The following RBM27 variants were observed in gnomAD, a reference collection of about 807,000 sequenced individuals.
RBM27 encodes RNA-binding protein 27.
In RBM27, 22 loss-of-function variants were observed where a neutral mutation model predicts 135.3. The observed-to-expected ratio is 0.16, with a 90% CI of 0.12 to 0.23. The LOEUF (loss-of-function observed/expected upper bound fraction) is 0.23, where lower values mean the gene tolerates loss of function less well. Among genes scored for constraint, RBM27 ranks in the 10% least tolerant of loss-of-function variants. The pLI, the probability that RBM27 is intolerant of heterozygous loss-of-function variation, is 1.00. For missense variants in RBM27, 1,009 were observed against 1,281.0 expected, an observed-to-expected ratio of 0.79 and a Z score of 3.24; for synonymous variants, 481 against 442.4, an observed-to-expected ratio of 1.09 and a Z score of -1.10.
At chr5:146,203,948 G>A in intron 1 of RBM27, 124 bp downstream of exon 1, 3 of 979,666 alleles carry the variant, frequency 3.1e-6, no homozygotes, top group Non-Finnish European at 4.4e-6. Flanking sequence ...TCCCGGCGAC[G>A]CCTTCCCTGT....
At chr5:146,204,551 A>G (rs979380825) in intron 1 of RBM27, among the ~76,000 whole-genome samples, 2 of 152,144 alleles carry the variant, frequency 1.3e-5, no homozygotes, top group African/African-American at 4.8e-5. Flanking sequence ...TGGAAAAAAG[A>G]GGTTTCTGTA....
At chr5:146,209,915 C>T (rs1401233306) in intron 1 of RBM27, among the ~76,000 whole-genome samples, 2 of 152,146 alleles carry the variant, frequency 1.3e-5, no homozygotes, top group African/African-American at 2.4e-5. Flanking sequence ...TTTGGTCTGC[C>T]TTTTAAAGAT....
At chr5:146,231,365 A>G (rs1756924208) in intron 6 of RBM27, among the ~76,000 whole-genome samples, 1 of 152,072 alleles carries the variant, frequency 6.6e-6, no homozygotes, top group Non-Finnish European at 1.5e-5. Context: ...TCGGCCTCCC[A>G]GTGTGCTGGG....
intron 9 of RBM27, 147 bp from the exon 10 acceptor site, chr5:146,254,796 C>G (rs1467537611): frequency 4.6e-6 from 3 of 657,598 alleles, no homozygotes; most frequent in Non-Finnish European, 7.3e-6. Context: ...TGGAACCAGT[C>G]CCTCACAGAT....
chr5:146,255,543 T>C (rs1389729437), intron 10 of RBM27, among the ~76,000 whole-genome samples: 1 of 152,204 alleles, frequency 6.6e-6, no homozygotes, highest in Non-Finnish European at 1.5e-5. Flanking sequence ...TTAACACTTA[T>C]AATTACATCT....
At position 146,261,783 on chromosome 5, in the gene RBM27, A is replaced by G. The variant is rs555068694; in HGVS notation, c.2167A>G (p.Thr723Ala). 43 of 1,614,162 alleles carry G rather than the reference A, an allele frequency of 2.7e-5. No individual in the cohort carries two copies. The African/African-American group carries it at 3.3e-4, about 13-fold the overall frequency. ...QVLVAQSAPS[T>A]VHGGIQKMMS... ...GCTAGTGGCCCAGTCTGCTCCTTCA[A>G]CAGTGCACGGAGGTATCCAGAAGGT... Residue 723 changes from threonine to alanine, a missense_variant, in exon 13 of 21, where the codon ACA (threonine) becomes GCA (alanine). By Grantham distance (58) the Thr-to-Ala change is moderately conservative. This residue lies in a region of RBM27 where 355 missense variants were observed against 427.3 expected (regional missense o/e 0.83). Coordinates refer to ENST00000265271, the MANE Select transcript of RBM27 (RefSeq NM_018989.2).
chr5:146,203,778 G>C lies in RBM27; in HGVS notation c.13G>C (p.Asp5His). The change falls in exon 1 of 21, where the codon GAT becomes CAT. Residue 5 changes from aspartate (D) to histidine (H), a missense_variant. Asp to His is a moderately conservative substitution (Grantham distance 81). This residue lies in a region of RBM27 where 268 missense variants were observed against 326.6 expected (regional missense o/e 0.82). Coordinates refer to ENST00000265271, the MANE Select transcript of RBM27 (RefSeq NM_018989.2). The stretch of plus-strand genomic sequence containing the variant: ...CCTTCCCTGCACCATGCTCATAGAG[G>C]ATGTGGATGCCCTCAAGTCCTGGCT... MLIEDVDALKSWLAK... is the reference protein window; with the variant it reads MLIEHVDALKSWLAK... 1 of 1,550,578 alleles carries C rather than the reference G, an allele frequency of 6.4e-7. No individual in the cohort carries two copies. The highest frequency in any genetic ancestry group is 8.7e-7 in the Non-Finnish European group (1 of 1,146,442).
At chr5:146,267,032 T>TA (rs1233981334) in intron 14 of RBM27, among the ~76,000 whole-genome samples, 4 of 152,196 alleles carry the variant, frequency 2.6e-5, no homozygotes, top group African/African-American at 4.8e-5. Context: ...GCACTTCACT[T>TA]ACGAAAAACA....
chr5:146,277,653 G>C (rs1257491174), intron 19 of RBM27, among the ~76,000 whole-genome samples: 2 of 150,586 alleles, frequency 1.3e-5, no homozygotes, highest in Non-Finnish European at 3.0e-5. Context: ...CACCCGAGCA[G>C]CTGGGACCAC....
At chr5:146,267,593 C>A in intron 14 of RBM27, 56 bp from the exon 15 acceptor site, 1 of 1,127,324 alleles carries the variant, frequency 8.9e-7, no homozygotes, top group Non-Finnish European at 1.3e-6. Context: ...GTATTCTAAG[C>A]ATTTCTAAGA....
intron 7 of RBM27, among the ~76,000 whole-genome samples, chr5:146,234,538 G>A (rs529602198): frequency 4.4e-4 from 67 of 151,026 alleles, no homozygotes; most frequent in African/African-American, 1.6e-3. Context: ...AAATCAATAT[G>A]CCATTATCAC....
At chr5:146,248,976 T>C (rs1757758817) in intron 8 of RBM27, among the ~76,000 whole-genome samples, 1 of 152,150 alleles carries the variant, frequency 6.6e-6, no homozygotes, top group Non-Finnish European at 1.5e-5. Flanking sequence ...GTATTTCTAT[T>C]TTTTAATTAA....
In RBM27 at chr5:146,260,798, C is replaced by A. The variant is rs772908419; in HGVS notation, c.1793C>A (p.Thr598Lys). 15 of 1,613,250 alleles carry A rather than the reference C, an allele frequency of 9.3e-6. No homozygotes were observed. The South Asian group carries it at 1.6e-4, about 18-fold the overall frequency. Residue 598 changes from threonine to lysine, a missense_variant, in exon 12 of 21, where the codon ACA (threonine) becomes AAA (lysine). Thr to Lys is a moderately conservative substitution (Grantham distance 78). Transcript: ENST00000265271. ...GGGTTCTTACGAAAGAATCAGTATA[C>A]AAACACCAAATTAGAAGTCAAGAAA... ...KPGFLRKNQY[T>K]NTKLEVKKIP...
At position 146,269,444 on chromosome 5, in the gene RBM27, A is replaced by G. The variant is rs1304831143; in HGVS notation, c.2551A>G (p.Asn851Asp). ...QKMLISKLEK[N>D]KNMKPEERAN... Reference sequence around the variant, plus strand: ...GATGTTAATATCCAAGTTAGAAAAAAACAAAAACATGAAACCAGAAGAAAG... The same window carrying G: ...GATGTTAATATCCAAGTTAGAAAAAGACAAAAACATGAAACCAGAAGAAAG... Residue 851 changes from asparagine (N) to aspartate (D), a missense_variant, in exon 17 of 21, where the codon AAC (asparagine) becomes GAC (aspartate). This residue lies in a region of RBM27 where 355 missense variants were observed against 427.3 expected (regional missense o/e 0.83). Transcript: ENST00000265271. The G allele has an allele frequency of 6.4e-7, 1 of 1,564,086 alleles. No homozygotes were observed.
chr5:146,206,853 G>C (rs531854847), intron 1 of RBM27, among the ~76,000 whole-genome samples: 14 of 152,238 alleles, frequency 9.2e-5, no homozygotes, highest in Non-Finnish European at 1.8e-4. Context: ...AAAGTGCTGG[G>C]ATTACAGGCA....
rs182576561 is a variant in RBM27, at chr5:146,274,023, C to T, written c.2988+2349C>T. Among the ~76,000 whole-genome samples, 27 of 152,280 alleles carry T rather than the reference C, an allele frequency of 1.8e-4. 1 individual carries two copies. The highest frequency in any genetic ancestry group is 6.5e-4 in the African/African-American group (27 of 41,560). On this transcript the variant is annotated intron_variant, in intron 19 of 20. Coordinates refer to ENST00000265271, the MANE Select transcript of RBM27 (RefSeq NM_018989.2). Reference sequence around the variant, plus strand: ...TTTTGAGACGGAGTTTTGCTCTCGTCGCCCAGGCTGGAGTGCAATGGCACG... The same window carrying T: ...TTTTGAGACGGAGTTTTGCTCTCGTTGCCCAGGCTGGAGTGCAATGGCACG...
At chr5:146,237,718 C>T (rs1443093987) in intron 8 of RBM27, among the ~76,000 whole-genome samples, 9 of 152,064 alleles carry the variant, frequency 5.9e-5, no homozygotes, top group African/African-American at 1.4e-4. Context: ...GACAGAGTCT[C>T]GCTCTGTCAC....
intron 15 of RBM27, among the ~76,000 whole-genome samples, chr5:146,268,493 C>T (rs747912594): frequency 4.6e-5 from 7 of 152,254 alleles, no homozygotes; most frequent in South Asian, 2.1e-4. Context: ...CCACCTGCCT[C>T]GGCTTCCCAA....
intron 2 of RBM27, among the ~76,000 whole-genome samples, chr5:146,221,785 C>T (rs940318082): frequency 3.9e-5 from 6 of 152,118 alleles, no homozygotes; most frequent in Admixed American, 1.3e-4. Context: ...ATTTAAAGAG[C>T]TACATATGGC....
Sources: allele counts gnomAD v4.1 joint callset (sites outside exome capture counted in the v4.1 genomes callset), GRCh38; gene constraint gnomAD v4.1.1; regional missense constraint gnomAD v4.1.1; transcripts MANE v1.5; gene names NCBI Gene and HGNC (gene_info 2026-07-23, HGNC 2026-07-21).